SCYL2: variants seen among roughly 807,000 people sequenced by gnomAD.
SCYL2 encodes the protein SCY1-like protein 2.
SCYL2 carries 36 observed loss-of-function variants against 100.4 expected under a neutral mutation model. The ratio of observed to expected loss-of-function variants is 0.36; its 90% confidence interval spans 0.27 to 0.47. The LOEUF is 0.47. Ranked by LOEUF, SCYL2 falls within the 20% of genes least tolerant of loss-of-function variation. The probability of loss-of-function intolerance (pLI) is 1.00; values close to 1 mark genes in which losing one functional copy is unlikely to be tolerated. For missense variants in SCYL2, 902 were observed against 1,083.9 expected (o/e 0.83, Z 2.36); for synonymous variants, 330 against 359.2 (o/e 0.92, Z 0.92).
chr12:100,299,450 C>T (rs921320177), intron 4 of SCYL2, among the ~76,000 whole-genome samples: 1 of 152,176 alleles, frequency 6.6e-6, no homozygotes, highest in African/African-American at 2.4e-5. Flanking sequence ...TCACCACGAT[C>T]AAGATACTGC....
intron 12 of SCYL2, chr12:100,327,135 A>G: frequency 2.9e-6 from 1 of 350,864 alleles, no homozygotes; most frequent in Admixed American, 3.8e-5. Flanking sequence ...ATGTTATTTT[A>G]TTCTTCCCCA....
chr12:100,288,311 T>TC (rs1209947254), intron 2 of SCYL2, among the ~76,000 whole-genome samples: 3 of 152,138 alleles, frequency 2.0e-5, no homozygotes, highest in Non-Finnish European at 2.9e-5. Flanking sequence ...AGTTTTTTTT[T>TC]CTTTTCTTTT....
At chr12:100,298,376 A>G (rs964312737) in intron 4 of SCYL2, among the ~76,000 whole-genome samples, 5 of 152,194 alleles carry the variant, frequency 3.3e-5, no homozygotes, top group African/African-American at 1.2e-4. Flanking sequence ...TATCAAACTG[A>G]TAACATTGGT....
chr12:100,309,263 A>T (rs2096338896), intron 4 of SCYL2, among the ~76,000 whole-genome samples: 1 of 152,140 alleles, frequency 6.6e-6, no homozygotes, highest in African/African-American at 2.4e-5. Context: ...TGTACATTTG[A>T]GTCCGTTCAT....
chr12:100,294,506 G>C (rs576237205), intron 3 of SCYL2, among the ~76,000 whole-genome samples: 1 of 118,756 alleles, frequency 8.4e-6, no homozygotes, highest in South Asian at 2.8e-4. Flanking sequence ...GGCCAGGCGG[G>C]GGGCTGACTC....
chr12:100,273,880 G>GTATA (rs2096290013), intron 1 of SCYL2, among the ~76,000 whole-genome samples: 1 of 152,186 alleles, frequency 6.6e-6, no homozygotes, highest in South Asian at 2.1e-4. Context: ...TATTCTCAGT[G>GTATA]TATAACAAGA....
chr12:100,335,583 C>A (rs1197544610), intron 14 of SCYL2, 42 bp from the exon 15 acceptor site: 2 of 1,378,698 alleles, frequency 1.5e-6, no homozygotes, highest in Non-Finnish European at 2.0e-6. Flanking sequence ...TAAAAATATG[C>A]ATTTCTTTTT....
At chr12:100,327,660 CCT>C (rs1455625876) in intron 12 of SCYL2, among the ~76,000 whole-genome samples, 1 of 151,898 alleles carries the variant, frequency 6.6e-6, no homozygotes, top group Non-Finnish European at 1.5e-5. Context: ...ATTACAGGCA[CCT>C]GCCACCACGC....
chr12:100,317,847 A>T lies in SCYL2; in HGVS notation c.1317A>T (p.Lys439Asn). 6.2e-7 allele frequency: 1 copy of T among 1,607,974 alleles called. No individual in the cohort carries two copies. The highest frequency in any genetic ancestry group is 8.5e-7 in the Non-Finnish European group (1 of 1,178,860). Residue 439 changes from lysine to asparagine, a missense_variant, in exon 10 of 18, where the codon AAA becomes AAT. Transcript: ENST00000360820. ...AAAAAATGGATTTGCTACTAACCAA[A>T]ACCCCTCCTGATGAGATAAAGAACA... ...FLQKMDLLLT[K>N]TPPDEIKNSV...
intron 4 of SCYL2, among the ~76,000 whole-genome samples, chr12:100,305,276 CA>C (rs2096332892): frequency 6.6e-6 from 1 of 152,156 alleles, no homozygotes; most frequent in South Asian, 2.1e-4. Flanking sequence ...TCAGCAAATG[CA>C]AAAGAATGGA....
intron 12 of SCYL2, 121 bp from the exon 13 acceptor site, chr12:100,329,080 T>G (rs746685875): frequency 1.1e-5 from 6 of 569,706 alleles, no homozygotes; most frequent in Admixed American, 2.7e-5. Context: ...TTCTAGGCAT[T>G]GATTGGGAAA....
At chr12:100,281,605 G>A (rs1159989747) in intron 1 of SCYL2, among the ~76,000 whole-genome samples, 7 of 152,040 alleles carry the variant, frequency 4.6e-5, no homozygotes, top group Non-Finnish European at 7.4e-5. Context: ...AGTCTGAGGC[G>A]GGCAGATCAC....
intron 16 of SCYL2, among the ~76,000 whole-genome samples, chr12:100,337,152 TA>T (rs1381364095): frequency 4.6e-5 from 7 of 152,170 alleles, no homozygotes; most frequent in African/African-American, 1.7e-4. Context: ...TGAATGGTTT[TA>T]AAATAATTAT....
rs780899422 is a variant in SCYL2, at chr12:100,339,031, G to A, written c.2649G>A (p.Gly883=). Residue 883 remains glycine (G), a synonymous_variant, in exon 18 of 18, where the codon GGG becomes GGA. Transcript: ENST00000360820. The stretch of plus-strand genomic sequence containing the variant: ...CAACTATGGGCAGTTCAGTAATGGG[G>A]ACACAGATGAACGTGATAGGACAAT... The part of the protein sequence containing the change: ...GSPTMGSSVM[G]TQMNVIGQSA... 8.1e-6 allele frequency: 13 copies of A among 1,614,122 alleles called. No individual in the cohort carries two copies. The Admixed American group carries it at 2.2e-4, about 27-fold the overall frequency.
chr12:100,287,027 A>G (rs2135841407), intron 2 of SCYL2, among the ~76,000 whole-genome samples: 1 of 152,250 alleles, frequency 6.6e-6, no homozygotes, highest in East Asian at 1.9e-4. Context: ...ATGAAAAATG[A>G]AGTGTGTGAT....
rs1952320237 is a variant in SCYL2, at chr12:100,339,080, CCTTT to C, written c.2703_2706del (p.Phe901LeufsTer13). 1 of 1,613,940 alleles carries C rather than the reference CCTTT, an allele frequency of 6.2e-7. No homozygotes were observed. Among genetic ancestry groups the C allele is most frequent in the Non-Finnish European group, 8.5e-7 (1 of 1,179,964 alleles). ...ATCTGCTTTTGGTATGCAGGGTAAT[CCTTT>C]CTTTAACCCACAGAACTTTGCACAG... On this transcript the variant is annotated frameshift_variant, in exon 18 of 18. Transcript: ENST00000360820. LOFTEE classifies it high-confidence loss of function.
At chr12:100,270,524 T>C (rs1368992786) in intron 1 of SCYL2, among the ~76,000 whole-genome samples, 1 of 152,136 alleles carries the variant, frequency 6.6e-6, no homozygotes, top group Non-Finnish European at 1.5e-5. Context: ...GGAAGTAGCT[T>C]CAAAAAACTT....
chr12:100,298,012 T>A lies in SCYL2; in HGVS notation c.336-19T>A, dbSNP rs186867437. 1.0e-4 allele frequency: 159 copies of A among 1,591,878 alleles called. No individual in the cohort carries two copies. In the East Asian group the frequency reaches 3.4e-3, roughly 34 times the overall value. On this transcript the variant is annotated intron_variant, in intron 3 of 17. Coordinates refer to ENST00000360820, the MANE Select transcript of SCYL2 (RefSeq NM_017988.6). ...GTGTAATAATATGATAGTAAATAAC[T>A]TTTTCTTTTTTAAAACAGGGATTGC...
At chr12:100,294,803 C>T (rs1383031362) in intron 3 of SCYL2, among the ~76,000 whole-genome samples, 2 of 150,754 alleles carry the variant, frequency 1.3e-5, no homozygotes, top group African/African-American at 4.9e-5. Flanking sequence ...GGGCTGACCC[C>T]CCCACCTCCC....
Sources: gnomAD v4.1 joint callset for allele counts (sites outside exome capture counted in the v4.1 genomes callset) on GRCh38, gnomAD v4.1.1 for gene constraint, MANE v1.5 for transcripts, NCBI Gene and HGNC (gene_info 2026-07-23, HGNC 2026-07-21) for gene names.